Variants in VPS41 observed in about 807,000 individuals in gnomAD.
VPS41 encodes the protein VPS41 subunit of HOPS complex, also known as vacuolar protein sorting-associated protein 41 homolog.
Under a neutral mutation model 130.9 loss-of-function variants are expected in VPS41, and 85 were observed. The observed-to-expected ratio is 0.65, with a 90% CI of 0.55 to 0.78. The LOEUF (loss-of-function observed/expected upper bound fraction) is 0.78. VPS41 is among the 30% of genes least tolerant of loss of function. VPS41 has a pLI of 0.00. For synonymous variants in VPS41, 335 were observed against 332.9 expected, an observed-to-expected ratio of 1.01 and a Z score of -0.07; for missense variants, 874 against 1,018.7, an observed-to-expected ratio of 0.86 and a Z score of 1.93.
Position 38,869,183 on chromosome 7 carries a change from T to A in VPS41, c.131A>T (p.Gln44Leu). The A allele has an allele frequency of 6.2e-7, 1 of 1,611,872 alleles. No individual in the cohort carries two copies. Among genetic ancestry groups the A allele is most frequent in the African/African-American group, 1.3e-5 (1 of 75,022 alleles). The change falls in exon 3 of 29, where the codon CAG becomes CTG. Residue 44 changes from glutamine to leucine, a missense_variant. By Grantham distance (113) the Gln-to-Leu change is moderately radical. Transcript: ENST00000310301. ...RLSNGVTEIL[Q>L]KDAASCMTVH... ...TGTCATGCAGCTAGCTGCATCCTTC[T>A]GAAGTATTTCAGTTACCCCATTGGA...
intron 3 of VPS41, among the ~76,000 whole-genome samples, chr7:38,864,859 A>G (rs1786195834): frequency 6.6e-6 from 1 of 151,830 alleles, no homozygotes; most frequent in African/African-American, 2.4e-5. Context: ...CAGAAACTTG[A>G]CTCATTTTCT....
chr7:38,862,931 G>A (rs993467903), intron 3 of VPS41, among the ~76,000 whole-genome samples: 2 of 152,090 alleles, frequency 1.3e-5, no homozygotes, highest in South Asian at 2.1e-4. Flanking sequence ...TAAATGCAGC[G>A]GTGAAAACAC....
At chr7:38,726,808 TAACCCA>T in intron 28 of VPS41, 95 bp downstream of exon 28, 1 of 1,025,068 alleles carries the variant, frequency 9.8e-7, no homozygotes, top group Non-Finnish European at 1.3e-6. Context: ...AATTTTTTTT[TAACCCA>T]TACAGCCATA....
intron 2 of VPS41, among the ~76,000 whole-genome samples, chr7:38,883,727 T>C (rs1345167150): frequency 2.0e-5 from 3 of 152,194 alleles, no homozygotes; most frequent in African/African-American, 7.2e-5. Context: ...TTATAAATTC[T>C]GCTCAAATAT....
intron 7 of VPS41, among the ~76,000 whole-genome samples, chr7:38,807,452 T>C (rs1359562380): frequency 6.6e-6 from 1 of 152,198 alleles, no homozygotes. Context: ...TAAAGGACTG[T>C]AAATTTACCC....
Position 38,745,542 on chromosome 7 carries a change from G to A in VPS41, c.1981+17C>T. ...TTTCTTAGTTTATGGGGACCAAAAT[G>A]AATAAAAGCTACTTACTCAGAAGAT... On this transcript the variant is annotated intron_variant, in intron 23 of 28. Coordinates refer to ENST00000310301, the MANE Select transcript of VPS41 (RefSeq NM_014396.4). The A allele has an allele frequency of 6.2e-7, 1 of 1,605,308 alleles. No individual in the cohort carries two copies. The highest frequency in any genetic ancestry group is 8.5e-7 in the Non-Finnish European group (1 of 1,173,534).
At position 38,846,026 on chromosome 7, in the gene VPS41, A is replaced by G. The variant is rs188224200; in HGVS notation, c.247-15698T>C. On this transcript the variant is annotated intron_variant, in intron 4 of 28. Coordinates refer to ENST00000310301, the MANE Select transcript of VPS41 (RefSeq NM_014396.4). ...AAAAGAAAGAGTGATAGAGAAAGAA[A>G]AGCAGAATGACCAAGTCACTGGATT... Among the ~76,000 whole-genome samples the G allele has an allele frequency of 1.9e-3, 291 of 152,336 alleles. 1 individual carries two copies. The highest frequency in any genetic ancestry group is 3.4e-3 in the Non-Finnish European group (228 of 68,030).
intron 7 of VPS41, among the ~76,000 whole-genome samples, chr7:38,802,732 T>C (rs945996332): frequency 1.3e-5 from 2 of 152,328 alleles, no homozygotes; most frequent in Admixed American, 6.5e-5. Flanking sequence ...TTTAATAATA[T>C]CCATTTTTTC....
At chr7:38,816,981 A>C (rs1717772467) in intron 7 of VPS41, among the ~76,000 whole-genome samples, 1 of 152,136 alleles carries the variant, frequency 6.6e-6, no homozygotes, top group Non-Finnish European at 1.5e-5. Flanking sequence ...GCCTCAAGTG[A>C]TCCTCCCACC....
rs1784268018 is a variant in VPS41 at position 38,776,767 on chromosome 7, A to T, written c.794T>A (p.Phe265Tyr). The T allele has an allele frequency of 1.2e-6, 2 of 1,605,170 alleles. No individual in the cohort carries two copies. The highest frequency in any genetic ancestry group is 2.7e-5 in the African/African-American group (2 of 74,736). ...TCCACTGATGTAGAATTCAGTTTCA[A>T]ACTGAGACACTGCAAACAAAAGGGA... is the stretch of plus-strand genomic sequence containing the variant. The part of the protein sequence containing the change: ...PSRYVEIVSQ[F>Y]ETEFYISGLA... Residue 265 changes from phenylalanine (F) to tyrosine (Y), a missense_variant, in exon 11 of 29, where the codon TTT becomes TAT. Phe to Tyr is a conservative substitution (Grantham distance 22). Transcript: ENST00000310301.
At chr7:38,742,253 G>A in intron 24 of VPS41, 132 bp from the exon 25 acceptor site, 1 of 833,372 alleles carries the variant, frequency 1.2e-6, no homozygotes, top group East Asian at 2.8e-5. Flanking sequence ...TTCAAAGTAA[G>A]TGTTAAAACC....
At chr7:38,790,130 T>G (rs1273178836) in intron 9 of VPS41, among the ~76,000 whole-genome samples, 4 of 152,200 alleles carry the variant, frequency 2.6e-5, no homozygotes, top group African/African-American at 9.7e-5. Context: ...CAAGTACTAA[T>G]CCAAGTACAA....
intron 23 of VPS41, among the ~76,000 whole-genome samples, chr7:38,744,255 G>T (rs1354324184): frequency 1.3e-5 from 2 of 152,138 alleles, no homozygotes; most frequent in Non-Finnish European, 2.9e-5. Context: ...TTAATATAGT[G>T]CATGTAAGAA....
intron 17 of VPS41, among the ~76,000 whole-genome samples, chr7:38,759,599 C>T (rs891077004): frequency 3.3e-5 from 5 of 152,198 alleles, no homozygotes; most frequent in South Asian, 2.1e-4. Context: ...GGAGGCAGGT[C>T]GTGCCATCTA....
intron 2 of VPS41, among the ~76,000 whole-genome samples, chr7:38,884,320 G>A (rs1393829788): frequency 6.6e-6 from 1 of 152,084 alleles, no homozygotes. Flanking sequence ...CAACTAAATA[G>A]CATACAGGTT....
Position 38,723,145 on chromosome 7 carries a change from G to A in VPS41, c.*3101C>T, listed in dbSNP as rs1795470521. ...TCTTCATACTGAGTAGGCTGAGAAGGAGGAGGAAGGGGAGGGCCTGGTCTT... is the reference window on the plus strand; with the variant it reads ...TCTTCATACTGAGTAGGCTGAGAAGAAGGAGGAAGGGGAGGGCCTGGTCTT... On this transcript the variant is annotated 3_prime_UTR_variant, in exon 29 of 29. Transcript: ENST00000310301. The A allele has an allele frequency of 6.6e-6, 1 of 152,186 alleles. No homozygotes were observed. Among genetic ancestry groups the A allele is most frequent in the Non-Finnish European group, 1.5e-5 (1 of 68,036 alleles). 9.4% of individuals were successfully genotyped at this position (152,186 alleles called of 1,614,324 possible).
chr7:38,900,048 G>A (rs1204273012), intron 1 of VPS41, among the ~76,000 whole-genome samples: 2 of 152,272 alleles, frequency 1.3e-5, no homozygotes, highest in Middle Eastern at 3.4e-3. Context: ...AGGAGTTCAA[G>A]ACCAGACTGG....
Position 38,756,965 on chromosome 7 carries a change from T to C in VPS41, c.1568A>G (p.Asn523Ser). 3.1e-6 allele frequency: 5 copies of C among 1,597,082 alleles called. No homozygotes were observed. Among genetic ancestry groups the C allele is most frequent in the Non-Finnish European group, 4.3e-6 (5 of 1,166,792 alleles). Reference sequence around the variant, plus strand: ...GTATATTTCCAGAGCATTGCCATAGTTCTTGTCATAGGTGTACCTGGTAAT... The same window carrying C: ...GTATATTTCCAGAGCATTGCCATAGCTCTTGTCATAGGTGTACCTGGTAAT... ...TLAELYTYDK[N>S]YGNALEIYLT... is the part of the protein sequence containing the mutation. The change falls in exon 19 of 29, where the codon AAC (asparagine) becomes AGC (serine). Residue 523 changes from asparagine to serine, a missense_variant. Coordinates refer to ENST00000310301, the MANE Select transcript of VPS41 (RefSeq NM_014396.4).
intron 4 of VPS41, among the ~76,000 whole-genome samples, chr7:38,849,373 C>T (rs1455024877): frequency 6.6e-6 from 1 of 152,130 alleles, no homozygotes; most frequent in Non-Finnish European, 1.5e-5. Context: ...TCAATCAGAC[C>T]CCCTGCTTTA....
Sources: gnomAD v4.1 joint callset for allele counts (sites outside exome capture counted in the v4.1 genomes callset) on GRCh38, gnomAD v4.1.1 for gene constraint, MANE v1.5 for transcripts, NCBI Gene and HGNC (gene_info 2026-07-23, HGNC 2026-07-21) for gene names.